LRRC4C: variants seen among roughly 807,000 people sequenced by gnomAD.
LRRC4C encodes leucine-rich repeat-containing protein 4C.
In LRRC4C, 5 loss-of-function variants were observed where a neutral mutation model predicts 33.6. The ratio of observed to expected loss-of-function variants is 0.15; its 90% CI spans 0.08 to 0.31. LRRC4C has a LOEUF of 0.31. LRRC4C is among the 10% of genes least tolerant of loss of function. The pLI is 1.00. For synonymous variants in LRRC4C, 329 were observed against 302.0 expected, an observed-to-expected ratio of 1.09 and a Z score of -0.93; for missense variants, 560 against 796.7, an observed-to-expected ratio of 0.70 and a Z score of 3.58.
At position 40,908,461 on chromosome 11, in the gene LRRC4C, ATCTG is replaced by A. The variant is rs562854372; in HGVS notation, c.-407+25170_-407+25173del. Among the ~76,000 whole-genome samples the A allele has an allele frequency of 1.7e-3, 257 of 152,284 alleles. 2 individuals carry two copies. Among genetic ancestry groups the A allele is most frequent in the African/African-American group, 5.9e-3 (247 of 41,590 alleles). On this transcript the variant is annotated intron_variant, in intron 2 of 6. Coordinates refer to ENST00000528697, the MANE Select transcript of LRRC4C (RefSeq NM_001258419.2). ...TTTATTTGCTGGAGAAGCATTCAAG[ATCTG>A]TCTGTCAAAACTAAATACATTAGAA... is the stretch of plus-strand genomic sequence containing the variant.
At chr11:40,226,977 C>T (rs2135971994) in intron 5 of LRRC4C, among the ~76,000 whole-genome samples, 1 of 152,244 alleles carries the variant, frequency 6.6e-6, no homozygotes, top group South Asian at 2.1e-4. Flanking sequence ...TTAATTAAAT[C>T]TCACATCCTC....
chr11:40,558,490 A>G (rs896922109), intron 3 of LRRC4C, among the ~76,000 whole-genome samples: 1 of 152,180 alleles, frequency 6.6e-6, no homozygotes, highest in Non-Finnish European at 1.5e-5. Flanking sequence ...CAGAAGAAAA[A>G]TGTTTTATGA....
intron 3 of LRRC4C, among the ~76,000 whole-genome samples, chr11:40,547,285 T>C (rs370581144): frequency 2.6e-5 from 4 of 152,198 alleles, no homozygotes; most frequent in South Asian, 4.1e-4. Flanking sequence ...CAAAACTTTT[T>C]TTTCATTTCT....
At chr11:40,655,194 C>A (rs1565604321) in intron 2 of LRRC4C, among the ~76,000 whole-genome samples, 1 of 152,164 alleles carries the variant, frequency 6.6e-6, no homozygotes, top group African/African-American at 2.4e-5. Context: ...TATCTGAATT[C>A]ATTTTCACAT....
chr11:41,372,946 A>G (rs1321232624), intron 1 of LRRC4C, among the ~76,000 whole-genome samples: 1 of 152,174 alleles, frequency 6.6e-6, no homozygotes, highest in Non-Finnish European at 1.5e-5. Context: ...AGATTTAGCT[A>G]TTTAGCAATA....
At chr11:41,432,464 G>A (rs1955273114) in intron 1 of LRRC4C, among the ~76,000 whole-genome samples, 1 of 152,088 alleles carries the variant, frequency 6.6e-6, no homozygotes. Flanking sequence ...AAAAAAGGAT[G>A]CCAGTGTCAT....
intron 2 of LRRC4C, among the ~76,000 whole-genome samples, chr11:40,656,091 GT>G (rs1943094808): frequency 6.6e-6 from 1 of 152,054 alleles, no homozygotes; most frequent in South Asian, 2.1e-4. Context: ...AGAGATTTTG[GT>G]AGGGACACAG....
intron 5 of LRRC4C, among the ~76,000 whole-genome samples, chr11:40,191,918 C>T (rs953617614): frequency 3.3e-5 from 5 of 151,992 alleles, no homozygotes; most frequent in African/African-American, 1.2e-4. Context: ...CATGATCACC[C>T]CACTGCACTC....
chr11:41,449,844 T>C (rs192318048), intron 1 of LRRC4C, among the ~76,000 whole-genome samples: 1 of 151,858 alleles, frequency 6.6e-6, no homozygotes, highest in Admixed American at 6.6e-5. Flanking sequence ...CTTCAAATAG[T>C]CTCCCTTTTG....
intron 1 of LRRC4C, among the ~76,000 whole-genome samples, chr11:41,015,958 C>A (rs1189624163): frequency 6.6e-6 from 1 of 152,082 alleles, no homozygotes; most frequent in Non-Finnish European, 1.5e-5. Flanking sequence ...CCACTGCACT[C>A]CAGCCCGGGC....
chr11:41,098,477 C>T (rs1271018703), intron 1 of LRRC4C, among the ~76,000 whole-genome samples: 1 of 152,054 alleles, frequency 6.6e-6, no homozygotes, highest in Non-Finnish European at 1.5e-5. Flanking sequence ...CAGATTGCTT[C>T]CTAGAAAATT....
At chr11:41,028,323 G>T (rs943458957) in intron 1 of LRRC4C, among the ~76,000 whole-genome samples, 1 of 151,552 alleles carries the variant, frequency 6.6e-6, no homozygotes, top group Non-Finnish European at 1.5e-5. Flanking sequence ...GTCTTGAAAA[G>T]TTTGGTTTCA....
chr11:40,953,471 A>G (rs1395795660), intron 1 of LRRC4C, among the ~76,000 whole-genome samples: 1 of 151,856 alleles, frequency 6.6e-6, no homozygotes, highest in Non-Finnish European at 1.5e-5. Context: ...AATACATTGC[A>G]TTATCATTCT....
chr11:40,731,129 C>T (rs1260846140), intron 2 of LRRC4C, among the ~76,000 whole-genome samples: 1 of 152,064 alleles, frequency 6.6e-6, no homozygotes, highest in African/African-American at 2.4e-5. Context: ...ACCATCCTGG[C>T]TAACATGGTG....
At chr11:41,328,727 G>A (rs1188537179) in intron 1 of LRRC4C, among the ~76,000 whole-genome samples, 1 of 152,170 alleles carries the variant, frequency 6.6e-6, no homozygotes, top group East Asian at 1.9e-4. Context: ...CTCTGCAGTC[G>A]TGACATAAAG....
intron 1 of LRRC4C, among the ~76,000 whole-genome samples, chr11:41,201,929 C>A (rs12224715): frequency 3.7e-5 from 1 of 27,234 alleles, no homozygotes; most frequent in Admixed American, 9.6e-4. Context: ...CAAACACACA[C>A]ACACACACAC....
intron 5 of LRRC4C, among the ~76,000 whole-genome samples, chr11:40,231,864 TC>T (rs1013895498): frequency 6.6e-6 from 1 of 152,212 alleles, no homozygotes; most frequent in Non-Finnish European, 1.5e-5. Context: ...TGTATCTTTT[TC>T]TATTTCAATT....
chr11:40,498,594 T>A (rs922336403), intron 3 of LRRC4C, among the ~76,000 whole-genome samples: 1 of 152,194 alleles, frequency 6.6e-6, no homozygotes, highest in South Asian at 2.1e-4. Flanking sequence ...AATTAGTATA[T>A]TTGGCTCTTG....
intron 3 of LRRC4C, among the ~76,000 whole-genome samples, chr11:40,565,847 A>G (rs1957738101): frequency 1.3e-5 from 2 of 152,230 alleles, no homozygotes; most frequent in South Asian, 4.1e-4. Context: ...CTTTTTGGCC[A>G]TGGAGGAAAA....
Sources: gnomAD v4.1 joint callset for allele counts (sites outside exome capture counted in the v4.1 genomes callset) on GRCh38, gnomAD v4.1.1 for gene constraint, MANE v1.5 for transcripts, NCBI Gene and HGNC (gene_info 2026-07-23, HGNC 2026-07-21) for gene names.